Variants in ANO3 observed in about 807,000 individuals in gnomAD.
ANO3 encodes anoctamin 3.
Under a neutral mutation model 144.8 loss-of-function variants are expected in ANO3, and 99 were observed. The observed-to-expected ratio is 0.68, with a 90% CI of 0.58 to 0.81. The LOEUF is 0.81. Ranked by LOEUF, ANO3 falls within the 30% of genes least tolerant of loss-of-function variation. The probability of loss-of-function intolerance (pLI) is 0.00; values close to 1 mark genes in which losing one functional copy is unlikely to be tolerated. For missense variants in ANO3, 905 were observed against 1,202.2 expected (o/e 0.75, Z 3.66); for synonymous variants, 414 against 392.6 (o/e 1.05, Z -0.64).
intron 1 of ANO3, among the ~76,000 whole-genome samples, chr11:26,298,659 G>A (rs568595676): frequency 9.2e-5 from 14 of 152,276 alleles, no homozygotes; most frequent in South Asian, 2.1e-4. Flanking sequence ...ATGTCTACTC[G>A]TTTCCAAACC....
intron 1 of ANO3, among the ~76,000 whole-genome samples, chr11:26,335,747 C>T (rs1233272754): frequency 3.3e-5 from 5 of 152,144 alleles, no homozygotes; most frequent in Non-Finnish European, 7.4e-5. Flanking sequence ...CAAAACCCTC[C>T]TCCTTAAAGG....
chr11:26,336,552 A>G (rs1162157212), intron 1 of ANO3, among the ~76,000 whole-genome samples: 4 of 152,212 alleles, frequency 2.6e-5, no homozygotes, highest in African/African-American at 9.6e-5. Flanking sequence ...TTGCAAGTGC[A>G]CACCCGTAAA....
intron 14 of ANO3, chr11:26,561,014 A>G (rs767631378): frequency 2.2e-5 from 34 of 1,523,292 alleles, no homozygotes; most frequent in Non-Finnish European, 1.3e-5. Context: ...ATTTGTCAAA[A>G]GGCTAGGATG....
chr11:26,230,529 G>C (rs1852367613), intron 1 of ANO3, among the ~76,000 whole-genome samples: 1 of 151,992 alleles, frequency 6.6e-6, no homozygotes, highest in Admixed American at 6.6e-5. Context: ...AGGCACGGTA[G>C]CTCACGCCTG....
intron 1 of ANO3, among the ~76,000 whole-genome samples, chr11:26,335,614 T>C (rs1855171876): frequency 6.6e-6 from 1 of 152,212 alleles, no homozygotes; most frequent in South Asian, 2.1e-4. Context: ...TAAAATGTTT[T>C]TGCAAGAAAT....
intron 1 of ANO3, among the ~76,000 whole-genome samples, chr11:26,410,137 G>A (rs1409279138): frequency 6.6e-6 from 1 of 151,936 alleles, no homozygotes. Context: ...CGATAAGTAT[G>A]CATTCAGTGT....
intron 1 of ANO3, among the ~76,000 whole-genome samples, chr11:26,252,283 G>A (rs1392001918): frequency 6.6e-6 from 1 of 152,166 alleles, no homozygotes; most frequent in Non-Finnish European, 1.5e-5. Context: ...AGTAATCCTA[G>A]TGATACTGTC....
chr11:26,469,379 C>T (rs1237981468), intron 4 of ANO3, among the ~76,000 whole-genome samples: 1 of 151,810 alleles, frequency 6.6e-6, no homozygotes, highest in Non-Finnish European at 1.5e-5. Flanking sequence ...ATAAAGGTAG[C>T]ATTTCACATC....
intron 26 of ANO3, among the ~76,000 whole-genome samples, chr11:26,659,470 A>G (rs7102993): frequency 0.57 from 86,169 of 151,722 alleles, 25,931 homozygotes; most frequent in South Asian, 0.76. Context: ...AAGGTGGGAG[A>G]ATAACTTGAG....
At chr11:26,205,944 G>A (rs1342751671) in intron 1 of ANO3, among the ~76,000 whole-genome samples, 2 of 152,068 alleles carry the variant, frequency 1.3e-5, no homozygotes, top group East Asian at 3.8e-4. Flanking sequence ...AAGAAACATC[G>A]GCAGCCAACA....
rs190799639 is a variant in ANO3 at position 26,480,012 on chromosome 11, T to C, written c.432+16864T>C. On this transcript the variant is annotated intron_variant, in intron 4 of 26. Transcript: ENST00000256737. ...TGGAGGAACAGTGTGAGCAAAGATA[T>C]AGAGTTTGGACTAGATTGTGCATGT... Among the ~76,000 whole-genome samples the C allele has an allele frequency of 9.0e-4, 137 of 152,192 alleles. 1 individual carries two copies. The highest frequency in any genetic ancestry group is 5.8e-4 in the East Asian group (3 of 5,154).
intron 1 of ANO3, among the ~76,000 whole-genome samples, chr11:26,272,215 C>T (rs754053141): frequency 6.6e-6 from 1 of 151,838 alleles, no homozygotes; most frequent in Non-Finnish European, 1.5e-5. Context: ...GGAAGTGCCA[C>T]GGCGATGCTA....
intron 1 of ANO3, among the ~76,000 whole-genome samples, chr11:26,301,534 C>T (rs1353666243): frequency 3.3e-5 from 5 of 152,042 alleles, no homozygotes; most frequent in African/African-American, 1.2e-4. Flanking sequence ...TTCAAGTGCT[C>T]CAAGGATTAC....
chr11:26,417,975 A>G (rs1431755334), intron 1 of ANO3, among the ~76,000 whole-genome samples: 1 of 152,142 alleles, frequency 6.6e-6, no homozygotes, highest in Non-Finnish European at 1.5e-5. Context: ...GGTTGAAAAA[A>G]GTATGGAGAA....
chr11:26,469,994 G>A (rs1859723847), intron 4 of ANO3, among the ~76,000 whole-genome samples: 2 of 151,898 alleles, frequency 1.3e-5, no homozygotes, highest in Non-Finnish European at 2.9e-5. Context: ...TGGCCAATAT[G>A]TACATTGAGC....
At chr11:26,230,702 C>G (rs1050121367) in intron 1 of ANO3, among the ~76,000 whole-genome samples, 2 of 142,426 alleles carry the variant, frequency 1.4e-5, no homozygotes, top group African/African-American at 2.6e-5. Context: ...GAGGCTGAGG[C>G]AGGAAAACTG....
At position 26,656,482 on chromosome 11, in the gene ANO3, G is replaced by A. The variant is rs1284306408; in HGVS notation, c.2763+1G>A. 1 of 1,568,642 alleles carries A rather than the reference G, an allele frequency of 6.4e-7. No homozygotes were observed. Among genetic ancestry groups the A allele is most frequent in the Non-Finnish European group, 8.8e-7 (1 of 1,139,742 alleles). ...ATTGGCCTTCATTATTGTGTTTGAG[G>A]TTAGTCACAAGCTGAGATGAAAATT... On this transcript the variant is annotated splice_donor_variant, in intron 26 of 26. Coordinates refer to ENST00000256737, the MANE Select transcript of ANO3 (RefSeq NM_031418.4). LOFTEE classifies it high-confidence loss of function.
At chr11:26,406,972 GTA>G (rs143934545) in intron 1 of ANO3, among the ~76,000 whole-genome samples, 3,446 of 133,604 alleles carry the variant, frequency 0.026, 61 homozygotes, top group African/African-American at 0.048. Context: ...ATACACACAC[GTA>G]TATATATATA....
At chr11:26,221,758 A>G (rs2133792842) in intron 1 of ANO3, among the ~76,000 whole-genome samples, 1 of 152,122 alleles carries the variant, frequency 6.6e-6, no homozygotes, top group East Asian at 1.9e-4. Context: ...TGGGTGCAAG[A>G]GAGGAAAGGG....
Sources: allele counts gnomAD v4.1 joint callset (sites outside exome capture counted in the v4.1 genomes callset), GRCh38; gene constraint gnomAD v4.1.1; transcripts MANE v1.5; gene names NCBI Gene and HGNC (gene_info 2026-07-23, HGNC 2026-07-21).